TNFSF4: variants seen among roughly 807,000 people sequenced by gnomAD.
The protein encoded by TNFSF4 is TNF superfamily member 4.
In TNFSF4, 4 loss-of-function variants were observed where a neutral mutation model predicts 7.3. The ratio of observed to expected loss-of-function variants is 0.55; its 90% CI spans 0.27 to 1.25. The LOEUF is 1.25. Among genes scored for constraint, TNFSF4 ranks in the 50% most tolerant of loss-of-function variants. TNFSF4 has a pLI of 0.12. For synonymous variants in TNFSF4, 76 were observed against 83.7 expected (o/e 0.91, Z 0.50); for missense variants, 181 against 208.8 (o/e 0.87, Z 0.82).
the TNFSF4 span, among the ~76,000 whole-genome samples, chr1:173,280,471 G>A: frequency 6.6e-6 from 1 of 152,070 alleles, no homozygotes; most frequent in Non-Finnish European, 1.5e-5. Context: ...TGAATGAATG[G>A]ATAGATGGAG....
chr1:173,196,394 C>G (rs1649698925), intron 1 of TNFSF4, among the ~76,000 whole-genome samples: 1 of 152,106 alleles, frequency 6.6e-6, no homozygotes, highest in Non-Finnish European at 1.5e-5. Context: ...TTTCTCCATG[C>G]CAAACCCTTA....
At chr1:173,411,220 C>T in the TNFSF4 span, among the ~76,000 whole-genome samples, 1 of 152,160 alleles carries the variant, frequency 6.6e-6, no homozygotes, top group Non-Finnish European at 1.5e-5. Flanking sequence ...AGTCATCACT[C>T]ATCACCAGCA....
chr1:173,179,394 C>T (rs560448860), downstream of TNFSF4, among the ~76,000 whole-genome samples: 82 of 152,248 alleles, frequency 5.4e-4, no homozygotes, highest in African/African-American at 1.9e-3. Context: ...CTCATGCGAA[C>T]TTTGCCTTGT....
At chr1:173,286,014 A>AT in the TNFSF4 span, among the ~76,000 whole-genome samples, 2 of 152,248 alleles carry the variant, frequency 1.3e-5, no homozygotes, top group Non-Finnish European at 2.9e-5. Flanking sequence ...AAAAGTTAAA[A>AT]TATTCAGTTT....
downstream of TNFSF4, among the ~76,000 whole-genome samples, chr1:173,181,384 C>T (rs924639158): frequency 9.2e-5 from 14 of 152,150 alleles, no homozygotes; most frequent in Non-Finnish European, 2.1e-4. Flanking sequence ...CAATAAAGAG[C>T]TGTATTTTCT....
chr1:173,434,850 G>A, the TNFSF4 span, among the ~76,000 whole-genome samples: 425 of 152,352 alleles, frequency 2.8e-3, 2 homozygotes, highest in African/African-American at 9.7e-3. Context: ...GAAATTCTCA[G>A]TGTCAGATGT....
rs1650240122 is a variant in TNFSF4 at position 173,207,304 on chromosome 1, T to C, written c.-128A>G. The stretch of plus-strand genomic sequence containing the variant: ...CTATCAATCAGAAAATAGGCAAAGG[T>C]CCCAGGGCCAGAGATAAAAGGCGAT... On this transcript the variant is annotated 5_prime_UTR_variant, in exon 1 of 3. Coordinates refer to ENST00000281834, the MANE Select transcript of TNFSF4 (RefSeq NM_003326.5). The C allele has an allele frequency of 1.2e-6, 1 of 814,712 alleles. No homozygotes were observed. The highest frequency in any genetic ancestry group is 2.8e-5 in the Admixed American group (1 of 35,456). The allele number at this position is 814,712 out of a possible 1,614,324, so 50.5% of individuals were successfully genotyped here.
the TNFSF4 span, among the ~76,000 whole-genome samples, chr1:173,444,294 G>A: frequency 1.6e-4 from 24 of 151,884 alleles, no homozygotes; most frequent in African/African-American, 5.1e-4. Context: ...ACACACACAC[G>A]TATCTGTACA....
the TNFSF4 span, among the ~76,000 whole-genome samples, chr1:173,433,900 T>C: frequency 4.6e-5 from 7 of 152,250 alleles, 1 homozygote; most frequent in Non-Finnish European, 4.4e-5. Context: ...CCGAGTAAAA[T>C]AGCCCCTAAT....
chr1:173,270,021 A>G, the TNFSF4 span, among the ~76,000 whole-genome samples: 1 of 152,228 alleles, frequency 6.6e-6, no homozygotes, highest in East Asian at 1.9e-4. Flanking sequence ...CTGTGAGAAT[A>G]CTCTGAAAGC....
chr1:173,258,479 C>T, the TNFSF4 span, among the ~76,000 whole-genome samples: 20 of 152,296 alleles, frequency 1.3e-4, no homozygotes, highest in East Asian at 9.7e-4. Context: ...ATGCAACCTG[C>T]GGATCAGGAG....
At chr1:173,392,444 T>C in the TNFSF4 span, among the ~76,000 whole-genome samples, 1 of 152,212 alleles carries the variant, frequency 6.6e-6, no homozygotes, top group East Asian at 1.9e-4. Context: ...TCATTATTTT[T>C]AGGATTAGAA....
the TNFSF4 span, among the ~76,000 whole-genome samples, chr1:173,270,869 A>G: frequency 6.6e-6 from 1 of 152,160 alleles, no homozygotes; most frequent in Admixed American, 6.6e-5. Flanking sequence ...GTAGAACCAA[A>G]TTTTCAGAAA....
chr1:173,340,164 G>A, the TNFSF4 span, among the ~76,000 whole-genome samples: 5 of 152,162 alleles, frequency 3.3e-5, no homozygotes, highest in South Asian at 8.3e-4. Context: ...CTTTGGATTC[G>A]AACTGAAACA....
chr1:173,285,181 C>T, the TNFSF4 span, among the ~76,000 whole-genome samples: 55 of 152,208 alleles, frequency 3.6e-4, no homozygotes, highest in South Asian at 1.7e-3. Context: ...GGGTTCAAGA[C>T]TTCACCGGAG....
chr1:173,352,772 T>C, the TNFSF4 span, among the ~76,000 whole-genome samples: 4 of 111,920 alleles, frequency 3.6e-5, no homozygotes, highest in Non-Finnish European at 7.6e-5. Flanking sequence ...TGGAATTTCC[T>C]AATTCTAGCA....
At chr1:173,218,864 A>T in the TNFSF4 span, among the ~76,000 whole-genome samples, 1 of 152,222 alleles carries the variant, frequency 6.6e-6, no homozygotes, top group Non-Finnish European at 1.5e-5. Context: ...ATTACATACT[A>T]AACTGAGAAA....
the TNFSF4 span, among the ~76,000 whole-genome samples, chr1:173,402,500 T>C: frequency 6.6e-6 from 1 of 152,198 alleles, no homozygotes; most frequent in Non-Finnish European, 1.5e-5. Flanking sequence ...TGACCTAATT[T>C]TGTAATATGC....
the TNFSF4 span, among the ~76,000 whole-genome samples, chr1:173,248,512 GAGAA>G: frequency 9.4e-5 from 14 of 148,558 alleles, no homozygotes; most frequent in South Asian, 2.2e-4. Context: ...AAGAAAGAAA[GAGAA>G]AGAAGGAAGG....
Sources: allele counts gnomAD v4.1 joint callset (sites outside exome capture counted in the v4.1 genomes callset), GRCh38; gene constraint gnomAD v4.1.1; transcripts MANE v1.5; gene names NCBI Gene and HGNC (gene_info 2026-07-23, HGNC 2026-07-21).